PAPPA2: variants seen among roughly 807,000 people sequenced by gnomAD.
PAPPA2 encodes the protein pappalysin-2.
PAPPA2 carries 86 observed loss-of-function variants against 176.4 expected under a neutral mutation model. The ratio of observed to expected loss-of-function variants is 0.49; its 90% CI spans 0.41 to 0.58. The LOEUF is 0.58. PAPPA2 is among the 20% of genes least tolerant of loss of function. The pLI is 0.00. For missense variants in PAPPA2, 2,073 were observed against 2,256.9 expected (o/e 0.92, Z 1.65); for synonymous variants, 809 against 852.2 (o/e 0.95, Z 0.88).
At chr1:176,565,096 A>G (rs240094) in intron 2 of PAPPA2, among the ~76,000 whole-genome samples, 130,820 of 152,236 alleles carry the variant, frequency 0.86, 56,643 homozygotes, top group East Asian at 0.98. Context: ...CCATGTTGCA[A>G]CATGTATTGG....
intron 2 of PAPPA2, among the ~76,000 whole-genome samples, chr1:176,572,352 G>A (rs1024902132): frequency 6.6e-6 from 1 of 152,184 alleles, no homozygotes; most frequent in Non-Finnish European, 1.5e-5. Context: ...GCACAGCAGA[G>A]GTTGACCCAG....
At chr1:176,616,615 C>G in intron 3 of PAPPA2, 1 of 1,568,888 alleles carries the variant, frequency 6.4e-7, no homozygotes. Context: ...CCTTCTTTCT[C>G]CACAAGAGTA....
At chr1:176,760,683 T>C (rs1379266114) in intron 14 of PAPPA2, among the ~76,000 whole-genome samples, 1 of 152,108 alleles carries the variant, frequency 6.6e-6, no homozygotes, top group African/African-American at 2.4e-5. Context: ...AAAACACACA[T>C]CATTATTGCA....
intron 1 of PAPPA2, among the ~76,000 whole-genome samples, chr1:176,496,139 C>T (rs548571727): frequency 1.2e-4 from 19 of 152,192 alleles, no homozygotes; most frequent in Admixed American, 4.6e-4. Context: ...ATGTGCACAA[C>T]GTGCAGGTTT....
At position 176,814,191 on chromosome 1, in the gene PAPPA2, T is replaced by C. The variant is rs147194892; in HGVS notation, c.5202+14059T>C. ...TGCTGTTTTGGTTACTGTAGCCTTG[T>C]AGTATAGCGTGAAGTCAGGTAGCAT... On this transcript the variant is annotated intron_variant, in intron 21 of 22. Coordinates refer to ENST00000367662, the MANE Select transcript of PAPPA2 (RefSeq NM_020318.3). 4.8e-3 allele frequency among the ~76,000 whole-genome samples: 727 copies of C among 152,332 alleles called. 12 individuals carry two copies. The highest frequency in any genetic ancestry group is 0.017 in the African/African-American group (692 of 41,580).
At chr1:176,490,189 C>T (rs1015377225) in intron 1 of PAPPA2, among the ~76,000 whole-genome samples, 4 of 151,630 alleles carry the variant, frequency 2.6e-5, no homozygotes, top group Non-Finnish European at 4.4e-5. Flanking sequence ...AATGATAAGC[C>T]TTTCTTCCAC....
At chr1:176,630,600 CA>C (rs1656282858) in intron 3 of PAPPA2, among the ~76,000 whole-genome samples, 1 of 151,566 alleles carries the variant, frequency 6.6e-6, no homozygotes, top group African/African-American at 2.4e-5. Context: ...TAGTAATTCC[CA>C]GAAAAAAATG....
At chr1:176,613,833 A>T (rs1000067683) in intron 3 of PAPPA2, among the ~76,000 whole-genome samples, 1 of 152,206 alleles carries the variant, frequency 6.6e-6, no homozygotes, top group African/African-American at 2.4e-5. Context: ...CAAATGGGTA[A>T]TGTGACCTCC....
At chr1:176,496,155 A>G (rs1647606999) in intron 1 of PAPPA2, among the ~76,000 whole-genome samples, 2 of 152,250 alleles carry the variant, frequency 1.3e-5, no homozygotes, top group Admixed American at 6.5e-5. Flanking sequence ...GGTTTGTTAC[A>G]TATGTATACA....
chr1:176,695,898 C>T (rs374073226), intron 7 of PAPPA2, 39 bp downstream of exon 7: 5 of 1,606,848 alleles, frequency 3.1e-6, no homozygotes, highest in Admixed American at 1.7e-5. Flanking sequence ...ACCCTGGTGA[C>T]CACTGAGGAT....
chr1:176,742,817 T>G (rs1662744975), intron 14 of PAPPA2, among the ~76,000 whole-genome samples: 1 of 152,172 alleles, frequency 6.6e-6, no homozygotes, highest in Non-Finnish European at 1.5e-5. Flanking sequence ...TACCTCCTTC[T>G]TACCCCTTAT....
At chr1:176,804,456 C>G (rs1330978780) in intron 21 of PAPPA2, among the ~76,000 whole-genome samples, 4 of 152,106 alleles carry the variant, frequency 2.6e-5, no homozygotes, top group African/African-American at 9.7e-5. Flanking sequence ...ACAGTATAGC[C>G]CACAACAAAG....
intron 2 of PAPPA2, among the ~76,000 whole-genome samples, chr1:176,587,993 A>G (rs567446155): frequency 5.9e-5 from 9 of 152,314 alleles, no homozygotes; most frequent in African/African-American, 2.2e-4. Context: ...TCTATACATT[A>G]CTTTGGGCCG....
intron 1 of PAPPA2, among the ~76,000 whole-genome samples, chr1:176,515,213 C>T (rs1440816579): frequency 6.6e-6 from 1 of 152,130 alleles, no homozygotes; most frequent in Non-Finnish European, 1.5e-5. Context: ...ATCATTATCA[C>T]TGGTGGAGAG....
At chr1:176,521,071 A>AGT (rs71643354) in intron 1 of PAPPA2, among the ~76,000 whole-genome samples, 16,919 of 149,914 alleles carry the variant, frequency 0.11, 1,029 homozygotes, top group Middle Eastern at 0.17. Context: ...ATAACACTGG[A>AGT]GTGTGTGTGT....
Position 176,557,145 on chromosome 1 carries a change from C to G in PAPPA2, c.823C>G (p.Arg275Gly). 1 of 1,613,864 alleles carries G rather than the reference C, an allele frequency of 6.2e-7. No individual in the cohort carries two copies. Among genetic ancestry groups the G allele is most frequent in the Non-Finnish European group, 8.5e-7 (1 of 1,180,014 alleles). The change falls in exon 2 of 23, where the codon CGT becomes GGT. Residue 275 changes from arginine (R) to glycine (G), a missense_variant. Arg to Gly is a moderately radical substitution (Grantham distance 125, BLOSUM62 -2). Around this residue, in one of 4 missense-constraint regions of PAPPA2, gnomAD observed 1,196 missense variants for 1,330.4 expected, o/e 0.90. Transcript: ENST00000367662. ...TGGGAGGCGGGAGCGGCTGCTGCTG[C>G]GTCCAGAAGTGCTGGCTGAGATTCC... Reference protein sequence around the residue: ...FSGRRERLLLRPEVLAEIPRE... With the variant: ...FSGRRERLLLGPEVLAEIPRE...
rs748094273 is a variant in PAPPA2 at position 176,699,130 on chromosome 1, C to T, written c.2777C>T (p.Pro926Leu). The T allele has an allele frequency of 1.9e-6, 3 of 1,613,908 alleles. No individual in the cohort carries two copies. Among genetic ancestry groups the T allele is most frequent in the South Asian group, 2.2e-5 (2 of 91,068 alleles). Residue 926 changes from proline to leucine, a missense_variant, in exon 8 of 23, where the codon CCA becomes CTA. Around this residue, in one of 4 missense-constraint regions of PAPPA2, gnomAD observed 1,196 missense variants for 1,330.4 expected, o/e 0.90. Transcript: ENST00000367662. ...CCTGATGTGGATCAGCCCTGCGAGC[C>T]AAGCTTACAGGCCTGGAGCCCTGAG... ...GPPDVDQPCEPSLQAWSPEVH... is the reference protein window; with the variant it reads ...GPPDVDQPCELSLQAWSPEVH...
intron 1 of PAPPA2, among the ~76,000 whole-genome samples, chr1:176,475,881 A>G (rs916817610): frequency 3.9e-5 from 6 of 152,210 alleles, no homozygotes; most frequent in Admixed American, 3.9e-4. Flanking sequence ...AAGCTGAATT[A>G]TCTCCATTGA....
At chr1:176,687,540 T>G (rs571929542) in intron 4 of PAPPA2, among the ~76,000 whole-genome samples, 1 of 152,314 alleles carries the variant, frequency 6.6e-6, no homozygotes, top group African/African-American at 2.4e-5. Flanking sequence ...CAGTCCACAC[T>G]CCTGGTCATC....
Sources: allele counts gnomAD v4.1 joint callset (sites outside exome capture counted in the v4.1 genomes callset), GRCh38; gene constraint gnomAD v4.1.1; regional missense constraint gnomAD v4.1.1; transcripts MANE v1.5; gene names NCBI Gene and HGNC (gene_info 2026-07-23, HGNC 2026-07-21).